The following GNB1 variants were observed in gnomAD, a reference collection of about 807,000 sequenced individuals.
GNB1 encodes the protein G protein subunit beta 1.
A neutral mutation model predicts 42.9 loss-of-function variants in GNB1; 2 were observed. That is an observed-to-expected ratio of 0.05 (90% confidence interval 0.02 to 0.15). The LOEUF is 0.15. Ranked by LOEUF, GNB1 falls within the 10% of genes least tolerant of loss-of-function variation. The pLI, the probability that GNB1 is intolerant of heterozygous loss-of-function variation, is 1.00. For missense variants in GNB1, 193 were observed against 462.2 expected (o/e 0.42, Z 5.34); for synonymous variants, 183 against 174.7 (o/e 1.05, Z -0.38).
At chr1:1,788,588 CTAAGTCTG>C (rs1646437829) in intron 10 of GNB1, 1 of 168,006 alleles carries the variant, frequency 6.0e-6, no homozygotes, top group African/African-American at 2.4e-5. Flanking sequence ...ACAAATGAAT[CTAAGTCTG>C]TAAGTGTCAA....
intron 1 of GNB1, among the ~76,000 whole-genome samples, chr1:1,848,672 T>C (rs578001857): frequency 6.6e-6 from 1 of 152,342 alleles, no homozygotes. Flanking sequence ...ATAAAAACTG[T>C]CTTTTGACTG....
chr1:1,829,669 G>A (rs962960547), intron 2 of GNB1, among the ~76,000 whole-genome samples: 1 of 152,134 alleles, frequency 6.6e-6, no homozygotes, highest in Non-Finnish European at 1.5e-5. Context: ...AAACAAAAAC[G>A]AACAGTGTAC....
At chr1:1,802,694 G>T (rs1646641559) in intron 7 of GNB1, among the ~76,000 whole-genome samples, 2 of 151,444 alleles carry the variant, frequency 1.3e-5, no homozygotes, top group South Asian at 4.2e-4. Flanking sequence ...AACCCAGGGG[G>T]TTGAGGTTTC....
At chr1:1,859,321 C>T (rs1417171964) in intron 1 of GNB1, among the ~76,000 whole-genome samples, 4 of 152,220 alleles carry the variant, frequency 2.6e-5, no homozygotes, top group South Asian at 2.1e-4. Flanking sequence ...CACGCCCCGA[C>T]GGGGATTAGT....
At chr1:1,806,793 G>A (rs964125511) in intron 5 of GNB1, among the ~76,000 whole-genome samples, 1 of 152,152 alleles carries the variant, frequency 6.6e-6, no homozygotes, top group African/African-American at 2.4e-5. Flanking sequence ...GGCCAGCATG[G>A]CGAAACCCTG....
chr1:1,834,667 CTTTTTTT>C (rs746491020), intron 2 of GNB1, among the ~76,000 whole-genome samples: 1 of 126,346 alleles, frequency 7.9e-6, no homozygotes, highest in Non-Finnish European at 1.6e-5. Context: ...ACTCCAAGCA[CTTTTTTT>C]TTTTTTTTTT....
intron 1 of GNB1, among the ~76,000 whole-genome samples, chr1:1,856,600 G>T (rs1217006109): frequency 6.6e-6 from 1 of 152,040 alleles, no homozygotes; most frequent in Non-Finnish European, 1.5e-5. Flanking sequence ...GCTAACTTTT[G>T]TATTTTCAGT....
chr1:1,822,994 G>A (rs1377674747), intron 3 of GNB1, among the ~76,000 whole-genome samples: 1 of 151,942 alleles, frequency 6.6e-6, no homozygotes, highest in African/African-American at 2.4e-5. Flanking sequence ...TGTAATCCCC[G>A]CACTTTGGGA....
chr1:1,842,604 A>G (rs1333327140), intron 1 of GNB1, among the ~76,000 whole-genome samples: 2 of 152,190 alleles, frequency 1.3e-5, no homozygotes, highest in African/African-American at 4.8e-5. Context: ...AGTGGTTGCC[A>G]GGGGCTGCAT....
At chr1:1,869,185 C>CAAAAAAAA (rs71578347) in intron 1 of GNB1, among the ~76,000 whole-genome samples, 2 of 26,746 alleles carry the variant, frequency 7.5e-5, no homozygotes, top group Non-Finnish European at 1.5e-4. Context: ...GACACCTTCT[C>CAAAAAAAA]AAAAAAAAAA....
At position 1,786,274 on chromosome 1, in the gene GNB1, C is replaced by T. The variant is rs1181352036; in HGVS notation, c.*789G>A. ...AGGAAACCCAAAGTGAGATTAAAAA[C>T]TCAACTGAGAAGATAGACAGGATGG... is the stretch of plus-strand genomic sequence containing the variant. On this transcript the variant is annotated 3_prime_UTR_variant, in exon 12 of 12. Transcript: ENST00000378609. The T allele has an allele frequency of 2.6e-6, 1 of 387,970 alleles. No homozygotes were observed. The highest frequency in any genetic ancestry group is 4.6e-6 in the Non-Finnish European group (1 of 219,744). The allele number at this position is 387,970 out of a possible 1,614,324, so 24.0% of individuals were successfully genotyped here.
rs561865801 is a variant in GNB1, at chr1:1,859,369, G to A, written c.-95-20131C>T. Among the ~76,000 whole-genome samples the A allele has an allele frequency of 2.0e-5, 3 of 149,950 alleles. No homozygotes were observed. The East Asian group carries it at 6.2e-4, about 31-fold the overall frequency. Reference sequence around the variant, plus strand: ...ACCCTAACTTCCTAGGACATAAATAGTTAAACTGTTTAGATGGAAAGATTC... The same window carrying A: ...ACCCTAACTTCCTAGGACATAAATAATTAAACTGTTTAGATGGAAAGATTC... On this transcript the variant is annotated intron_variant, in intron 1 of 11. Transcript: ENST00000378609.
chr1:1,864,314 C>CAAAA (rs1173466617), intron 1 of GNB1, among the ~76,000 whole-genome samples: 11,448 of 37,826 alleles, frequency 0.3, 2,358 homozygotes, highest in Non-Finnish European at 0.32. Context: ...AAGACTCTCT[C>CAAAA]AAAAAAAAAA....
chr1:1,800,768 A>T (rs934069985), intron 7 of GNB1, among the ~76,000 whole-genome samples: 4 of 151,924 alleles, frequency 2.6e-5, no homozygotes, highest in South Asian at 2.1e-4. Flanking sequence ...AAAAAAAAAA[A>T]AAAGAAAAAT....
chr1:1,834,652 G>A (rs969903770), intron 2 of GNB1, among the ~76,000 whole-genome samples: 2 of 149,846 alleles, frequency 1.3e-5, no homozygotes, highest in Non-Finnish European at 3.0e-5. Flanking sequence ...AACAGAGGAG[G>A]CTAAACTCCA....
intron 7 of GNB1, among the ~76,000 whole-genome samples, chr1:1,796,949 A>G (rs987864791): frequency 6.6e-6 from 1 of 152,198 alleles, no homozygotes; most frequent in Non-Finnish European, 1.5e-5. Context: ...GCTCCTGGGC[A>G]TGTGGTGTCA....
At position 1,785,474 on chromosome 1, in the gene GNB1, T is replaced by C. The variant is rs1038079038; in HGVS notation, c.*1589A>G. The stretch of plus-strand genomic sequence containing the variant: ...GAGAAAGAAGGGGTTTCATTTGTAT[T>C]CTCTTTGCCAGATCCAGGCCTACCG... On this transcript the variant is annotated 3_prime_UTR_variant, in exon 12 of 12. Coordinates refer to ENST00000378609, the MANE Select transcript of GNB1 (RefSeq NM_002074.5). 1.3e-5 allele frequency: 2 copies of C among 153,122 alleles called. No homozygotes were observed. The highest frequency in any genetic ancestry group is 4.8e-5 in the African/African-American group (2 of 41,400). 9.5% of individuals were successfully genotyped at this position (153,122 alleles called of 1,614,324 possible).
rs1646388525 is a variant in GNB1 at position 1,785,324 on chromosome 1, A to T, written c.*1739T>A. ...ACTGCTTTATTACATCTTAAATAAC[A>T]GTACAGTTTAATATAGTATCTATCT... is the stretch of plus-strand genomic sequence containing the variant. On this transcript the variant is annotated 3_prime_UTR_variant, in exon 12 of 12. Coordinates refer to ENST00000378609, the MANE Select transcript of GNB1 (RefSeq NM_002074.5). 1 of 152,678 alleles carries T rather than the reference A, an allele frequency of 6.5e-6. No homozygotes were observed. The highest frequency in any genetic ancestry group is 1.5e-5 in the Non-Finnish European group (1 of 68,056). 9.5% of individuals were successfully genotyped at this position (152,678 alleles called of 1,614,324 possible).
chr1:1,840,960 C>T (rs576643649), intron 1 of GNB1, among the ~76,000 whole-genome samples: 1 of 151,844 alleles, frequency 6.6e-6, no homozygotes, highest in South Asian at 2.1e-4. Context: ...GGTATCATCT[C>T]AGTTCACTGG....
Sources: allele counts gnomAD v4.1 joint callset (sites outside exome capture counted in the v4.1 genomes callset), GRCh38; gene constraint gnomAD v4.1.1; transcripts MANE v1.5; gene names NCBI Gene and HGNC (gene_info 2026-07-23, HGNC 2026-07-21).